The following TMOD1 variants were observed in gnomAD, a reference collection of about 807,000 sequenced individuals.
TMOD1 encodes tropomodulin-1.
TMOD1 carries 17 observed loss-of-function variants against 40.6 expected under a neutral mutation model. That is an observed-to-expected ratio of 0.42 (90% CI 0.29 to 0.63). The LOEUF (loss-of-function observed/expected upper bound fraction) is 0.63. Ranked by LOEUF, TMOD1 falls within the 20% of genes least tolerant of loss-of-function variation. The pLI, the probability that TMOD1 is intolerant of heterozygous loss-of-function variation, is 0.22. For missense variants in TMOD1, 391 were observed against 447.6 expected (o/e 0.87, Z 1.14); for synonymous variants, 181 against 175.0 (o/e 1.03, Z -0.27).
rs1242992311 is a variant in TMOD1 at position 97,513,378 on chromosome 9, C to T, written c.-48-10763C>T. On this transcript the variant is annotated intron_variant, in intron 1 of 9. Transcript: ENST00000259365. This position sits in a 1 kb window ranked among gnomAD's most constrained non-coding sequence, Gnocchi z 4.1. The stretch of plus-strand genomic sequence containing the variant: ...ACAAAGTGGTATGCCTGAGGCTGCC[C>T]AGTCAGCTAGAGCCAGGGGTAGGGA... Among the ~76,000 whole-genome samples, 1 of 152,174 alleles carries T rather than the reference C, an allele frequency of 6.6e-6. No individual in the cohort carries two copies. Among genetic ancestry groups the T allele is most frequent in the African/African-American group, 2.4e-5 (1 of 41,420 alleles).
At chr9:97,597,426 G>A (rs990105075) in intron 9 of TMOD1, among the ~76,000 whole-genome samples, 8 of 150,022 alleles carry the variant, frequency 5.3e-5, no homozygotes, top group Non-Finnish European at 1.0e-4. Context: ...GGGCCGGGTG[G>A]GGTGGCTCAC....
intron 1 of TMOD1, among the ~76,000 whole-genome samples, chr9:97,508,740 G>A (rs1412411639): frequency 6.6e-6 from 1 of 151,976 alleles, no homozygotes; most frequent in Admixed American, 6.6e-5. Flanking sequence ...GGTTAAACAG[G>A]GTCCCCCCCA....
chr9:97,592,074 G>GACA (rs1826014049), intron 9 of TMOD1, among the ~76,000 whole-genome samples: 1 of 151,510 alleles, frequency 6.6e-6, no homozygotes, highest in Non-Finnish European at 1.5e-5. Flanking sequence ...TTTTGATAAT[G>GACA]AACACTTATA....
intron 8 of TMOD1, among the ~76,000 whole-genome samples, chr9:97,580,396 C>A (rs538590540): frequency 2.0e-5 from 3 of 151,990 alleles, no homozygotes; most frequent in Non-Finnish European, 4.4e-5. Flanking sequence ...CACTTGAGGC[C>A]GAGTTCGAGA....
At chr9:97,547,371 G>A (rs1001770634) in intron 3 of TMOD1, among the ~76,000 whole-genome samples, 3 of 152,130 alleles carry the variant, frequency 2.0e-5, no homozygotes, top group Non-Finnish European at 2.9e-5. Context: ...CCTCCTGCCC[G>A]GTAAGATATA....
chr9:97,570,718 C>A (rs1830804825), intron 8 of TMOD1, among the ~76,000 whole-genome samples: 1 of 152,174 alleles, frequency 6.6e-6, no homozygotes, highest in South Asian at 2.1e-4. Context: ...AGCTCAGGAC[C>A]TGGCCCTTCA....
At chr9:97,598,033 A>G (rs952195286) in intron 9 of TMOD1, among the ~76,000 whole-genome samples, 17 of 152,048 alleles carry the variant, frequency 1.1e-4, no homozygotes, top group Non-Finnish European at 2.2e-4. Context: ...GATGAGTCAA[A>G]AGTCTTGGTT....
At chr9:97,541,847 A>T (rs1415487518) in intron 2 of TMOD1, among the ~76,000 whole-genome samples, 1 of 152,076 alleles carries the variant, frequency 6.6e-6, no homozygotes, top group Non-Finnish European at 1.5e-5. Flanking sequence ...GTCATATATT[A>T]TTGAGTTGTA....
Position 97,524,248 on chromosome 9 carries a change from AG to A in TMOD1, c.61del (p.Ala21ProfsTer2). The A allele has an allele frequency of 6.2e-7, 1 of 1,614,192 alleles. No individual in the cohort carries two copies. Among genetic ancestry groups the A allele is most frequent in the Non-Finnish European group, 8.5e-7 (1 of 1,180,038 alleles). The part of the protein sequence containing the change: ...RDLDEDEILG[A>X]LTEEELRTLE... The stretch of plus-strand genomic sequence containing the variant: ...ACCTGGATGAAGATGAAATCCTTGG[AG>A]CCCTAACAGAGGAAGAGCTGAGGAC... On this transcript the variant is annotated frameshift_variant, in exon 2 of 10. Transcript: ENST00000259365. LOFTEE classifies it high-confidence loss of function.
At chr9:97,552,927 C>T (rs1460579375) in intron 3 of TMOD1, among the ~76,000 whole-genome samples, 4 of 152,190 alleles carry the variant, frequency 2.6e-5, no homozygotes, top group Admixed American at 2.0e-4. Context: ...TCTCTCATTT[C>T]CCAAGGTCTC....
At chr9:97,573,516 C>T (rs1470547433) in intron 8 of TMOD1, among the ~76,000 whole-genome samples, 1 of 152,084 alleles carries the variant, frequency 6.6e-6, no homozygotes, top group Non-Finnish European at 1.5e-5. Flanking sequence ...ACAAATTATC[C>T]CCAAATATAG....
chr9:97,559,636 G>C (rs1010198233), intron 4 of TMOD1, among the ~76,000 whole-genome samples: 2 of 150,804 alleles, frequency 1.3e-5, no homozygotes, highest in Admixed American at 6.6e-5. Context: ...GTGGTGGCAC[G>C]TGTCTGTAAT....
intron 4 of TMOD1, among the ~76,000 whole-genome samples, chr9:97,562,244 G>A (rs1385869445): frequency 1.3e-5 from 2 of 152,136 alleles, no homozygotes; most frequent in African/African-American, 4.8e-5. Context: ...CAAGACACCC[G>A]TGATGACACA....
intron 7 of TMOD1, among the ~76,000 whole-genome samples, chr9:97,568,650 A>G (rs532222804): frequency 4.6e-5 from 7 of 152,304 alleles, no homozygotes; most frequent in Non-Finnish European, 8.8e-5. Context: ...GATTCTGGAC[A>G]GGGGAGTAGA....
At chr9:97,503,069 C>T (rs1372035247) in intron 1 of TMOD1, among the ~76,000 whole-genome samples, 2 of 152,218 alleles carry the variant, frequency 1.3e-5, no homozygotes, top group African/African-American at 4.8e-5. Flanking sequence ...GACCCTGAAC[C>T]CAGGTGCTGG....
Position 97,600,241 on chromosome 9 carries a change from C to T in TMOD1, c.*543C>T, listed in dbSNP as rs1564003813. 10 of 988,348 alleles carry T rather than the reference C, an allele frequency of 1.0e-5. No homozygotes were observed. The highest frequency in any genetic ancestry group is 1.7e-5 in the African/African-American group (1 of 57,234). 61.2% of individuals were successfully genotyped at this position (988,348 alleles called of 1,614,324 possible). On this transcript the variant is annotated 3_prime_UTR_variant, in exon 10 of 10. Coordinates refer to ENST00000259365, the MANE Select transcript of TMOD1 (RefSeq NM_003275.4). Reference sequence around the variant, plus strand: ...CCAGAACACAATTTTCCCCTCAGAACAGATAGACAGACTGAAGCCACTGAA... The same window carrying T: ...CCAGAACACAATTTTCCCCTCAGAATAGATAGACAGACTGAAGCCACTGAA...
intron 8 of TMOD1, among the ~76,000 whole-genome samples, chr9:97,572,585 A>C (rs2805807): frequency 1.3e-5 from 2 of 152,010 alleles, no homozygotes; most frequent in African/African-American, 4.8e-5. Flanking sequence ...CAGGTGCCCC[A>C]GCCCCAGGCT....
At chr9:97,546,943 A>AG (rs1830370513) in intron 3 of TMOD1, among the ~76,000 whole-genome samples, 1 of 151,366 alleles carries the variant, frequency 6.6e-6, no homozygotes, top group East Asian at 1.9e-4. Context: ...AAAAAAAAAA[A>AG]AAAAAAAAAG....
At chr9:97,539,616 TA>T (rs940760836) in intron 2 of TMOD1, among the ~76,000 whole-genome samples, 1 of 151,934 alleles carries the variant, frequency 6.6e-6, no homozygotes, top group Non-Finnish European at 1.5e-5. Flanking sequence ...ATATGCCATT[TA>T]AAAAAAACAG....
Sources: allele counts gnomAD v4.1 joint callset (sites outside exome capture counted in the v4.1 genomes callset), GRCh38; gene constraint gnomAD v4.1.1; non-coding constraint Gnocchi (gnomAD v3.1); transcripts MANE v1.5; gene names NCBI Gene and HGNC (gene_info 2026-07-23, HGNC 2026-07-21).